The following ANTXRL variants were observed in gnomAD, a reference collection of about 807,000 sequenced individuals.
ANTXRL encodes anthrax toxin receptor-like.
A neutral mutation model predicts 75.4 loss-of-function variants in ANTXRL; 63 were observed. The observed-to-expected ratio is 0.84, with a 90% CI of 0.68 to 1.03. The LOEUF (loss-of-function observed/expected upper bound fraction) is 1.03. Ranked by LOEUF, ANTXRL falls within the 50% of genes least tolerant of loss-of-function variation. The probability of loss-of-function intolerance (pLI) is 0.00; values close to 1 mark genes in which losing one functional copy is unlikely to be tolerated. For synonymous variants in ANTXRL, 335 were observed against 291.3 expected, an observed-to-expected ratio of 1.15 and a Z score of -1.53; for missense variants, 797 against 789.4, an observed-to-expected ratio of 1.01 and a Z score of -0.12.
At chr10:46,295,056 C>T (rs1302700607) in intron 3 of ANTXRL, among the ~76,000 whole-genome samples, 2 of 152,202 alleles carry the variant, frequency 1.3e-5, no homozygotes, top group South Asian at 4.1e-4. Flanking sequence ...TGACAGGCCT[C>T]ATGCCCCGGC....
chr10:46,328,021 G>A (rs1208600855), intron 16 of ANTXRL, among the ~76,000 whole-genome samples: 1 of 152,168 alleles, frequency 6.6e-6, no homozygotes, highest in African/African-American at 2.4e-5. Flanking sequence ...CACAGGTGCT[G>A]AAGGGGATGC....
chr10:46,294,101 A>G (rs1837223183), intron 3 of ANTXRL: 2 of 576,942 alleles, frequency 3.5e-6, no homozygotes, highest in South Asian at 4.1e-5. Context: ...GGTTACCTGC[A>G]GGCCCCTGTG....
At chr10:46,314,470 G>A (rs531328117) in intron 16 of ANTXRL, among the ~76,000 whole-genome samples, 8 of 152,164 alleles carry the variant, frequency 5.3e-5, no homozygotes, top group South Asian at 2.1e-4. Context: ...CTTGACGGCC[G>A]AGTGTGAAAA....
At chr10:46,309,536 C>G (rs1419328637) in intron 13 of ANTXRL, among the ~76,000 whole-genome samples, 1 of 152,196 alleles carries the variant, frequency 6.6e-6, no homozygotes, top group African/African-American at 2.4e-5. Context: ...CTTCTGGAAG[C>G]CTCAGATGGA....
intron 9 of ANTXRL, among the ~76,000 whole-genome samples, chr10:46,301,952 GTCACCTGCA>G (rs1299048906): frequency 6.6e-6 from 1 of 152,182 alleles, no homozygotes; most frequent in Non-Finnish European, 1.5e-5. Flanking sequence ...GGGTCCAGCC[GTCACCTGCA>G]TGTGTCCCCT....
Position 46,287,160 on chromosome 10 carries a change from C to T in ANTXRL, c.-103C>T. 1.4e-6 allele frequency: 2 copies of T among 1,427,632 alleles called. No homozygotes were observed. Among genetic ancestry groups the T allele is most frequent in the African/African-American group, 1.4e-5 (1 of 69,714 alleles). The allele number at this position is 1,427,632 out of a possible 1,614,324, so 88.4% of individuals were successfully genotyped here. On this transcript the variant is annotated 5_prime_UTR_variant, in exon 1 of 17. Transcript: ENST00000620264. Reference sequence around the variant, plus strand: ...AAAGGGCAGGAGGAGGGGTGTGGCCCCGGGCATAAGGGGAGGCGGCAAAGA... The same window carrying T: ...AAAGGGCAGGAGGAGGGGTGTGGCCTCGGGCATAAGGGGAGGCGGCAAAGA...
intron 16 of ANTXRL, among the ~76,000 whole-genome samples, chr10:46,313,813 T>C (rs1554964140): frequency 6.6e-6 from 1 of 152,158 alleles, no homozygotes; most frequent in East Asian, 1.9e-4. Flanking sequence ...ATTATCCAGT[T>C]TGGTGAAGGG....
At chr10:46,318,325 C>T (rs2132873453) in intron 16 of ANTXRL, among the ~76,000 whole-genome samples, 1 of 152,156 alleles carries the variant, frequency 6.6e-6, no homozygotes, top group African/African-American at 2.4e-5. Context: ...CACAAATATG[C>T]TGACCCATGA....
intron 9 of ANTXRL, among the ~76,000 whole-genome samples, chr10:46,301,039 G>A (rs1235721648): frequency 3.4e-5 from 5 of 147,958 alleles, no homozygotes; most frequent in Non-Finnish European, 7.4e-5. Context: ...ATGCTTGCTT[G>A]CAATACATAG....
At chr10:46,294,522 A>G (rs1837249671) in intron 3 of ANTXRL, among the ~76,000 whole-genome samples, 1 of 152,146 alleles carries the variant, frequency 6.6e-6, no homozygotes, top group Non-Finnish European at 1.5e-5. Context: ...CTTCCAATGC[A>G]CATGCCCGGA....
At chr10:46,318,975 A>G (rs111528172) in intron 16 of ANTXRL, among the ~76,000 whole-genome samples, 7,362 of 152,174 alleles carry the variant, frequency 0.048, 602 homozygotes, top group African/African-American at 0.17. Flanking sequence ...CTGAATTGGC[A>G]ACAGCTCTGT....
intron 16 of ANTXRL, among the ~76,000 whole-genome samples, chr10:46,320,050 G>GT (rs1365153315): frequency 6.6e-6 from 1 of 152,108 alleles, no homozygotes; most frequent in African/African-American, 2.4e-5. Flanking sequence ...TTTACTCATG[G>GT]TTCACATCTG....
At chr10:46,286,352 G>T (rs1401284700), upstream of ANTXRL, 3 of 152,256 alleles carry the variant, frequency 2.0e-5, no homozygotes, top group Non-Finnish European at 4.4e-5. Flanking sequence ...CATGCTGGGA[G>T]GAAGCCCAGG....
Position 46,297,144 on chromosome 10 carries a change from C to T in ANTXRL, c.509-108C>T, listed in dbSNP as rs1216556537. Reference sequence around the variant, plus strand: ...ATGAGGTGGGGGCACGTGGCCATGCCCTGGAGTGGGCAGCGCTGTGGGCCC... The same window carrying T: ...ATGAGGTGGGGGCACGTGGCCATGCTCTGGAGTGGGCAGCGCTGTGGGCCC... On this transcript the variant is annotated intron_variant, in intron 5 of 16. Coordinates refer to ENST00000620264, the MANE Select transcript of ANTXRL (RefSeq NM_001278688.3). 8.6e-6 allele frequency: 8 copies of T among 925,432 alleles called. 1 individual carries two copies. Among genetic ancestry groups the T allele is most frequent in the Admixed American group, 6.5e-5 (3 of 45,930 alleles). The allele number at this position is 925,432 out of a possible 1,614,324, so 57.3% of individuals were successfully genotyped here. A position where few individuals can be genotyped will look rare whatever the true frequency, so the allele number is the denominator to read the frequency against.
In ANTXRL at chr10:46,329,678, G is replaced by T. The variant is rs782380781; in HGVS notation, c.1490G>T (p.Ser497Ile). Reference sequence around the variant, plus strand: ...TGCCCAAGGATCTGCTTTCCACACAGCCAGGAGTGCCTTTCCCTACCACAG... The same window carrying T: ...TGCCCAAGGATCTGCTTTCCACACATCCAGGAGTGCCTTTCCCTACCACAG... ...PCCPRICFPH[S>I]QECLSLPQAP... is the part of the protein sequence containing the mutation. The change falls in exon 17 of 17, where the codon AGC (serine) becomes ATC (isoleucine). Residue 497 changes from serine (S) to isoleucine (I), a missense_variant. Around this residue, in one of 3 missense-constraint regions of ANTXRL, gnomAD observed 479 missense variants for 422.0 expected, o/e 1.14. Coordinates refer to ENST00000620264, the MANE Select transcript of ANTXRL (RefSeq NM_001278688.3). The T allele has an allele frequency of 2.9e-5, 44 of 1,536,144 alleles. No individual in the cohort carries two copies. Among genetic ancestry groups the T allele is most frequent in the Non-Finnish European group, 4.4e-6 (5 of 1,146,824 alleles).
intron 16 of ANTXRL, 39 bp from the exon 17 acceptor site, chr10:46,329,560 G>T (rs1165961550): frequency 2.0e-6 from 3 of 1,522,144 alleles, no homozygotes; most frequent in Non-Finnish European, 1.8e-6. Flanking sequence ...CAGTTCGAAT[G>T]CCATCACGGT....
At chr10:46,293,298 CTGTGTGTGTGTGCGTGTGTGCCTG>C (rs1425901612) in intron 2 of ANTXRL, among the ~76,000 whole-genome samples, 54 of 41,202 alleles carry the variant, frequency 1.3e-3, no homozygotes, top group Non-Finnish European at 3.1e-3. Flanking sequence ...GCGTGTGTGC[CTGTGTGTGTGTGCGTGTGTGCCTG>C]TGTGTGAGTG....
At chr10:46,319,909 A>C (rs1006228663) in intron 16 of ANTXRL, among the ~76,000 whole-genome samples, 4 of 152,158 alleles carry the variant, frequency 2.6e-5, no homozygotes, top group Non-Finnish European at 5.9e-5. Context: ...AAATCAGAGG[A>C]GAGATAGGTG....
chr10:46,293,311 C>A (rs1260030809), intron 2 of ANTXRL, among the ~76,000 whole-genome samples: 5 of 70,744 alleles, frequency 7.1e-5, no homozygotes, highest in South Asian at 5.0e-4. Context: ...TGTGTGTGTG[C>A]GTGTGTGCCT....
Sources: allele counts gnomAD v4.1 joint callset (sites outside exome capture counted in the v4.1 genomes callset), GRCh38; gene constraint gnomAD v4.1.1; regional missense constraint gnomAD v4.1.1; transcripts MANE v1.5; gene names NCBI Gene and HGNC (gene_info 2026-07-23, HGNC 2026-07-21).